The following KLF13 variants were observed in gnomAD, a reference collection of about 807,000 sequenced individuals.
KLF13 encodes KLF transcription factor 13.
A neutral mutation model predicts 16.7 loss-of-function variants in KLF13; 8 were observed. That is an observed-to-expected ratio of 0.48 (90% confidence interval 0.28 to 0.87). The LOEUF (loss-of-function observed/expected upper bound fraction) is 0.87. KLF13 is among the 40% of genes least tolerant of loss of function. The pLI, the probability that KLF13 is intolerant of heterozygous loss-of-function variation, is 0.10. For synonymous variants in KLF13, 245 were observed against 208.4 expected, an observed-to-expected ratio of 1.18 and a Z score of -1.51; for missense variants, 447 against 452.2, an observed-to-expected ratio of 0.99 and a Z score of 0.10.
At chr15:31,328,181 C>T (rs1366831376) in intron 1 of KLF13, among the ~76,000 whole-genome samples, 2 of 150,300 alleles carry the variant, frequency 1.3e-5, no homozygotes, top group Non-Finnish European at 3.0e-5. Flanking sequence ...GCGCCCGGAG[C>T]GGGGGCAGGG....
intron 1 of KLF13, chr15:31,393,317 C>G: frequency 6.6e-6 from 1 of 152,456 alleles, no homozygotes. Context: ...ATGGAGGTGA[C>G]GGAGGTGTGC....
At chr15:31,385,360 A>G (rs2039782913) in intron 1 of KLF13, among the ~76,000 whole-genome samples, 1 of 152,186 alleles carries the variant, frequency 6.6e-6, no homozygotes, top group Admixed American at 6.5e-5. Flanking sequence ...GCAACATTAG[A>G]TTTATTTAGG....
At chr15:31,388,816 C>T (rs1459389929), upstream of KLF13, among the ~76,000 whole-genome samples, 4 of 147,224 alleles carry the variant, frequency 2.7e-5, no homozygotes, top group Admixed American at 2.7e-4. Context: ...TTTACCCATT[C>T]CCCCCACACA....
chr15:31,358,687 C>T (rs1357003350), intron 1 of KLF13, among the ~76,000 whole-genome samples: 3 of 152,224 alleles, frequency 2.0e-5, no homozygotes, highest in Admixed American at 2.0e-4. Context: ...TTTTTATCAG[C>T]TAAATAAACC....
At position 31,327,190 on chromosome 15, in the gene KLF13, C is replaced by A; in HGVS notation, c.-23C>A. On this transcript the variant is annotated 5_prime_UTR_variant, in exon 1 of 2. Coordinates refer to ENST00000307145, the MANE Select transcript of KLF13 (RefSeq NM_015995.4). Reference sequence around the variant, plus strand: ...GGCTGACGACTCGCAGCAAGAGCACCGCCGCCGGCCCCAGCCCGCAGCATG... The same window carrying A: ...GGCTGACGACTCGCAGCAAGAGCACAGCCGCCGGCCCCAGCCCGCAGCATG... 7.6e-7 allele frequency: 1 copy of A among 1,309,782 alleles called. No individual in the cohort carries two copies. Among genetic ancestry groups the A allele is most frequent in the South Asian group, 1.9e-5 (1 of 53,380 alleles). 81.1% of individuals were successfully genotyped at this position (1,309,782 alleles called of 1,614,324 possible).
At chr15:31,342,821 G>A (rs1442109936) in intron 1 of KLF13, among the ~76,000 whole-genome samples, 1 of 152,196 alleles carries the variant, frequency 6.6e-6, no homozygotes, top group Non-Finnish European at 1.5e-5. Context: ...TGCTGAGCTG[G>A]GCCTTCGCAC....
At chr15:31,425,280 T>C (rs972329863) in intron 1 of KLF13, among the ~76,000 whole-genome samples, 1 of 151,932 alleles carries the variant, frequency 6.6e-6, no homozygotes, top group African/African-American at 2.4e-5. Context: ...ATAGAAAAAA[T>C]TTTCTAAAAT....
intron 1 of KLF13, among the ~76,000 whole-genome samples, chr15:31,368,699 T>C (rs941861318): frequency 2.0e-5 from 3 of 152,022 alleles, no homozygotes; most frequent in African/African-American, 7.3e-5. Flanking sequence ...ACTAAAAATA[T>C]AAAAACTAGC....
intron 1 of KLF13, among the ~76,000 whole-genome samples, chr15:31,354,475 C>T (rs992447129): frequency 2.0e-5 from 3 of 152,138 alleles, no homozygotes; most frequent in South Asian, 4.1e-4. Context: ...CTGCCTCCCG[C>T]GTTCAAGCAA....
intron 1 of KLF13, among the ~76,000 whole-genome samples, chr15:31,383,258 C>T (rs1435270036): frequency 6.6e-6 from 1 of 152,242 alleles, no homozygotes; most frequent in Non-Finnish European, 1.5e-5. Context: ...GACTGTTGGC[C>T]TGTGGGGGCG....
At chr15:31,368,949 T>A (rs1170134031) in intron 1 of KLF13, among the ~76,000 whole-genome samples, 1 of 152,236 alleles carries the variant, frequency 6.6e-6, no homozygotes, top group Non-Finnish European at 1.5e-5. Flanking sequence ...TTTTCTGATT[T>A]TAGTTGTCTT....
intron 1 of KLF13, among the ~76,000 whole-genome samples, chr15:31,336,623 G>A (rs2038934546): frequency 6.6e-6 from 1 of 152,188 alleles, no homozygotes; most frequent in Non-Finnish European, 1.5e-5. Flanking sequence ...ATTGGTAGAA[G>A]TTAAAGTTGA....
upstream of KLF13, among the ~76,000 whole-genome samples, chr15:31,390,708 G>A (rs2039851955): frequency 6.6e-6 from 1 of 152,098 alleles, no homozygotes; most frequent in Non-Finnish European, 1.5e-5. Flanking sequence ...ATCTTGTATT[G>A]TTAATTGCCC....
chr15:31,334,809 C>T (rs2038899192), intron 1 of KLF13, among the ~76,000 whole-genome samples: 1 of 152,150 alleles, frequency 6.6e-6, no homozygotes, highest in Non-Finnish European at 1.5e-5. Context: ...AACTTTTCTC[C>T]AGCTTGGCAA....
chr15:31,429,695 T>TTTTA (rs201016352), intron 1 of KLF13, among the ~76,000 whole-genome samples: 117 of 137,688 alleles, frequency 8.5e-4, no homozygotes, highest in South Asian at 1.2e-3. Context: ...AGAAAGATTC[T>TTTTA]TTTATTTATT....
intron 1 of KLF13, among the ~76,000 whole-genome samples, chr15:31,360,217 T>C (rs1199746434): frequency 3.3e-5 from 5 of 152,150 alleles, no homozygotes; most frequent in Admixed American, 3.3e-4. Context: ...AGGGAAGGGC[T>C]TAGGAAACAG....
downstream of KLF13, among the ~76,000 whole-genome samples, chr15:31,381,201 C>T (rs1274737020): frequency 1.3e-5 from 2 of 151,590 alleles, no homozygotes; most frequent in African/African-American, 4.9e-5. Context: ...AATGCCTATT[C>T]CTGCTGTAAC....
At chr15:31,405,090 G>A (rs1173189103), downstream of KLF13, among the ~76,000 whole-genome samples, 2 of 152,216 alleles carry the variant, frequency 1.3e-5, no homozygotes, top group Non-Finnish European at 1.5e-5. Flanking sequence ...GATGGTATTA[G>A]GAGGAGGAAA....
At chr15:31,379,921 G>A (rs1302215851), downstream of KLF13, among the ~76,000 whole-genome samples, 1 of 152,164 alleles carries the variant, frequency 6.6e-6, no homozygotes, top group African/African-American at 2.4e-5. Flanking sequence ...CCAGGTGAGG[G>A]GAAGCATCTG....
Sources: allele counts gnomAD v4.1 joint callset (sites outside exome capture counted in the v4.1 genomes callset), GRCh38; gene constraint gnomAD v4.1.1; transcripts MANE v1.5; gene names NCBI Gene and HGNC (gene_info 2026-07-23, HGNC 2026-07-21).